TSHR: variants seen among roughly 807,000 people sequenced by gnomAD.
TSHR encodes the protein thyroid stimulating hormone receptor, also known as thyrotropin receptor.
TSHR carries 51 observed loss-of-function variants against 64.1 expected under a neutral mutation model. The ratio of observed to expected loss-of-function variants is 0.80; its 90% CI spans 0.64 to 1.01. TSHR has a LOEUF of 1.01. Ranked by LOEUF, TSHR falls within the 50% of genes least tolerant of loss-of-function variation. The pLI is 0.00. For missense variants in TSHR, 877 were observed against 942.8 expected (o/e 0.93, Z 0.91); for synonymous variants, 361 against 361.9 (o/e 1.00, Z 0.03).
At chr14:81,089,335 G>A (rs988488207) in intron 4 of TSHR, among the ~76,000 whole-genome samples, 8 of 152,192 alleles carry the variant, frequency 5.3e-5, no homozygotes, top group African/African-American at 1.9e-4. Flanking sequence ...CAGGGGAATG[G>A]AAGACACTGA....
At chr14:80,991,437 T>G (rs952134586) in intron 1 of TSHR, 1 of 391,494 alleles carries the variant, frequency 2.6e-6, no homozygotes, top group Admixed American at 4.5e-5. Flanking sequence ...GAGAGACAAA[T>G]TTTTGTGAAG....
At chr14:81,037,741 G>A (rs1431060767) in intron 1 of TSHR, among the ~76,000 whole-genome samples, 2 of 151,434 alleles carry the variant, frequency 1.3e-5, no homozygotes, top group African/African-American at 2.4e-5. Context: ...AGACAAAGAA[G>A]GTAAATCTAT....
At chr14:81,037,448 A>AAAAAAAAAAAC (rs1273226258) in intron 1 of TSHR, among the ~76,000 whole-genome samples, 9 of 128,508 alleles carry the variant, frequency 7.0e-5, no homozygotes, top group East Asian at 2.4e-4. Flanking sequence ...AACAAACAAA[A>AAAAAAAAAAAC]AACAGAAAAT....
intron 1 of TSHR, chr14:81,053,666 GTTAAGTATACAC>G (rs1885565444): frequency 6.6e-6 from 1 of 152,118 alleles, no homozygotes; most frequent in South Asian, 2.1e-4. Context: ...TTTTGTGATA[GTTAAGTATACAC>G]TTACCTATGA....
At chr14:81,137,136 T>C (rs1327853371) in intron 8 of TSHR, among the ~76,000 whole-genome samples, 1 of 152,218 alleles carries the variant, frequency 6.6e-6, no homozygotes, top group Non-Finnish European at 1.5e-5. Flanking sequence ...TCTTAAATAA[T>C]GCAGATTCCC....
intron 1 of TSHR, among the ~76,000 whole-genome samples, chr14:81,035,095 A>T (rs1884555491): frequency 6.6e-6 from 1 of 152,188 alleles, no homozygotes; most frequent in African/African-American, 2.4e-5. Flanking sequence ...GAAAGGTTGG[A>T]ATCTCAAATC....
chr14:81,014,770 G>A (rs1196627015), intron 1 of TSHR, among the ~76,000 whole-genome samples: 1 of 152,194 alleles, frequency 6.6e-6, no homozygotes, highest in Non-Finnish European at 1.5e-5. Flanking sequence ...TGGTGTGTTA[G>A]CAGAACACAA....
chr14:80,998,516 T>C (rs1400014119), intron 1 of TSHR, among the ~76,000 whole-genome samples: 1 of 151,852 alleles, frequency 6.6e-6, no homozygotes, highest in African/African-American at 2.4e-5. Flanking sequence ...AAATTATTAC[T>C]TATAAAGATC....
intron 1 of TSHR, among the ~76,000 whole-genome samples, chr14:80,979,600 T>C (rs1359168091): frequency 1.3e-5 from 2 of 152,202 alleles, no homozygotes; most frequent in East Asian, 3.8e-4. Context: ...CATTATACAA[T>C]GTATACATGT....
At chr14:81,063,054 C>A (rs1595031159) in intron 2 of TSHR, among the ~76,000 whole-genome samples, 1 of 152,256 alleles carries the variant, frequency 6.6e-6, no homozygotes, top group South Asian at 2.1e-4. Flanking sequence ...TGCTGCCGAA[C>A]ATTCTACAGT....
At position 80,983,709 on chromosome 14, in the gene TSHR, T is replaced by A. The variant is rs1301526068; in HGVS notation, c.170+27859T>A. 1.0e-4 allele frequency: 50 copies of A among 489,606 alleles called. 1 individual carries two copies. The South Asian group carries it at 1.8e-3, about 18-fold the overall frequency. The allele number at this position is 489,606 out of a possible 1,614,324, so 30.3% of individuals were successfully genotyped here. ...CAGGCTGTACATTCCCAAAGAGCCT[T>A]GTATCATATTTGGTTATTATGGTGT... On this transcript the variant is annotated intron_variant, in intron 1 of 9. Coordinates refer to ENST00000298171, the MANE Select transcript of TSHR (RefSeq NM_000369.5).
chr14:81,098,076 G>C (rs1005066645), intron 7 of TSHR, among the ~76,000 whole-genome samples: 2 of 152,020 alleles, frequency 1.3e-5, no homozygotes, highest in African/African-American at 4.8e-5. Context: ...ATATTTATTA[G>C]ACACTTGCAA....
At chr14:80,974,052 C>T (rs938077546) in intron 1 of TSHR, among the ~76,000 whole-genome samples, 11 of 152,276 alleles carry the variant, frequency 7.2e-5, no homozygotes, top group Middle Eastern at 6.8e-3. Flanking sequence ...AGTGATTATA[C>T]GGAGCTCATG....
chr14:81,099,797 A>G (rs1889455296), intron 7 of TSHR, among the ~76,000 whole-genome samples: 1 of 152,166 alleles, frequency 6.6e-6, no homozygotes, highest in African/African-American at 2.4e-5. Flanking sequence ...CCCTCAAAAC[A>G]TCTCACTCCT....
intron 7 of TSHR, chr14:81,105,297 G>C: frequency 2.2e-6 from 2 of 924,946 alleles, no homozygotes; most frequent in East Asian, 1.2e-4. Flanking sequence ...GGATATCAAG[G>C]CTTCTGTATA....
intron 3 of TSHR, among the ~76,000 whole-genome samples, chr14:81,069,165 A>T (rs1208236491): frequency 4.6e-5 from 7 of 152,186 alleles, no homozygotes; most frequent in Non-Finnish European, 7.4e-5. Context: ...TTTACCTCTT[A>T]AAACAACCCT....
intron 1 of TSHR, among the ~76,000 whole-genome samples, chr14:81,026,338 TTG>T (rs1884050113): frequency 6.6e-6 from 1 of 152,204 alleles, no homozygotes; most frequent in Non-Finnish European, 1.5e-5. Flanking sequence ...ATCGACATAC[TTG>T]TGTGTATGTG....
At position 81,022,106 on chromosome 14, in the gene TSHR, C is replaced by CAAAA. The variant is rs10631450; in HGVS notation, c.171-40028_171-40025dup. On this transcript the variant is annotated intron_variant, in intron 1 of 9. Transcript: ENST00000298171. ...TGAAACCCCGTCTCTACTAAAAATA[C>CAAAA]AAAAAAAAAAAAAAAAAGCCAGGCG... Among the ~76,000 whole-genome samples the CAAAA allele has an allele frequency of 4.7e-4, 54 of 115,538 alleles. 2 individuals are homozygous for CAAAA. The highest frequency in any genetic ancestry group is 1.8e-3 in the African/African-American group (52 of 28,496). The allele number at this position is 115,538 out of a possible 152,430, so 75.8% of individuals were successfully genotyped here. A position where few individuals can be genotyped will look rare whatever the true frequency, so the allele number is the denominator to read the frequency against.
At chr14:81,033,306 G>GAGTGAAGACACTCCGAGAGTGAAGAC (rs1460436813) in intron 1 of TSHR, 9 of 405,498 alleles carry the variant, frequency 2.2e-5, no homozygotes, top group African/African-American at 8.7e-5. Context: ...ACAGCTCCAA[G>GAGTGAAGACACTCCGAGAGTGAAGAC]AGTGAAGACA....
Sources: allele counts gnomAD v4.1 joint callset (sites outside exome capture counted in the v4.1 genomes callset), GRCh38; gene constraint gnomAD v4.1.1; transcripts MANE v1.5; gene names NCBI Gene and HGNC (gene_info 2026-07-23, HGNC 2026-07-21).